CCSER1: variants seen among roughly 807,000 people sequenced by gnomAD.
CCSER1 encodes coiled-coil serine rich protein 1.
A neutral mutation model predicts 82.0 loss-of-function variants in CCSER1; 41 were observed. The ratio of observed to expected loss-of-function variants is 0.50; its 90% CI spans 0.39 to 0.65. CCSER1 has a LOEUF of 0.65. Ranked by LOEUF, CCSER1 falls within the 30% of genes least tolerant of loss-of-function variation. The pLI, the probability that CCSER1 is intolerant of heterozygous loss-of-function variation, is 0.00. For missense variants in CCSER1, 1,119 were observed against 1,064.2 expected (o/e 1.05, Z -0.72); for synonymous variants, 414 against 383.9 (o/e 1.08, Z -0.92).
intron 4 of CCSER1, among the ~76,000 whole-genome samples, chr4:90,443,089 T>TAAC (rs1418693927): frequency 6.6e-6 from 1 of 152,120 alleles, no homozygotes; most frequent in Non-Finnish European, 1.5e-5. Context: ...AGTAAGAGAT[T>TAAC]AACAACAACA....
intron 10 of CCSER1, among the ~76,000 whole-genome samples, chr4:91,259,592 G>GCCCCC (rs1038470211): frequency 7.3e-6 from 1 of 137,538 alleles, no homozygotes; most frequent in African/African-American, 2.8e-5. Context: ...CCCTCCCCTA[G>GCCCCC]CCCCCCACCC....
intron 8 of CCSER1, among the ~76,000 whole-genome samples, chr4:90,842,641 A>G (rs530961467): frequency 1.1e-4 from 16 of 152,306 alleles, no homozygotes; most frequent in Admixed American, 1.0e-3. Context: ...TCAGAAAATG[A>G]AGCAGGAAAT....
intron 4 of CCSER1, among the ~76,000 whole-genome samples, chr4:90,432,915 C>G (rs1349530084): frequency 2.6e-5 from 4 of 152,090 alleles, no homozygotes; most frequent in African/African-American, 9.7e-5. Flanking sequence ...CAAAATCTCC[C>G]TACCTAGGTA....
intron 8 of CCSER1, among the ~76,000 whole-genome samples, chr4:90,816,411 G>A (rs1380784743): frequency 6.6e-6 from 1 of 151,946 alleles, no homozygotes; most frequent in Non-Finnish European, 1.5e-5. Flanking sequence ...AGAAAGTAAG[G>A]AATTACACTT....
At chr4:90,419,590 T>G (rs961304927) in intron 4 of CCSER1, among the ~76,000 whole-genome samples, 8 of 151,902 alleles carry the variant, frequency 5.3e-5, no homozygotes, top group African/African-American at 1.9e-4. Flanking sequence ...GGTTATATGT[T>G]TTCCAAGGCA....
chr4:90,697,769 C>A lies in CCSER1; in HGVS notation c.1933-26145C>A, dbSNP rs544528765. On this transcript the variant is annotated intron_variant, in intron 6 of 10. Transcript: ENST00000509176. ...AACAATTGATTTGCAGGTATTTTTC[C>A]CTGTATCTACTATGCAAAAGTCTTT... Among the ~76,000 whole-genome samples, 5 of 152,112 alleles carry A rather than the reference C, an allele frequency of 3.3e-5. 1 individual carries two copies. The South Asian group carries it at 6.2e-4, about 19-fold the overall frequency.
chr4:90,945,092 TTA>T (rs935310045), intron 9 of CCSER1, among the ~76,000 whole-genome samples: 7 of 152,180 alleles, frequency 4.6e-5, no homozygotes, highest in Non-Finnish European at 8.8e-5. Context: ...ATGATTATCT[TTA>T]TGTTTCCCTT....
intron 10 of CCSER1, among the ~76,000 whole-genome samples, chr4:91,217,331 A>C (rs1737326718): frequency 6.6e-6 from 1 of 152,152 alleles, no homozygotes; most frequent in Non-Finnish European, 1.5e-5. Context: ...CTGTTTTGTC[A>C]GGGCGCTGAT....
intron 10 of CCSER1, among the ~76,000 whole-genome samples, chr4:91,180,439 G>C (rs1035238443): frequency 6.6e-6 from 1 of 152,256 alleles, no homozygotes; most frequent in Non-Finnish European, 1.5e-5. Context: ...AGGCCTTCTT[G>C]AGCTGTGGTG....
chr4:90,477,654 A>G (rs1188038246), intron 5 of CCSER1, among the ~76,000 whole-genome samples: 2 of 151,814 alleles, frequency 1.3e-5, no homozygotes, highest in East Asian at 3.9e-4. Context: ...TTCCTCTGGT[A>G]TATTAAGCCC....
intron 3 of CCSER1, among the ~76,000 whole-genome samples, chr4:90,314,143 CAA>C (rs574247089): frequency 6.6e-6 from 1 of 151,990 alleles, no homozygotes; most frequent in Non-Finnish European, 1.5e-5. Flanking sequence ...TAATCCTGGG[CAA>C]ATTTGTAACC....
chr4:91,484,647 C>G (rs1443090350), intron 10 of CCSER1, among the ~76,000 whole-genome samples: 1 of 152,070 alleles, frequency 6.6e-6, no homozygotes, highest in African/African-American at 2.4e-5. Context: ...TATTGGAAGA[C>G]AAGTGATTTT....
chr4:91,270,696 T>A (rs1741958973), intron 10 of CCSER1, among the ~76,000 whole-genome samples: 1 of 152,174 alleles, frequency 6.6e-6, no homozygotes, highest in East Asian at 1.9e-4. Context: ...AAGAATTCAG[T>A]TCAAGGCTGT....
Position 91,598,782 on chromosome 4 carries a change from T to G in CCSER1, c.2428T>G (p.Tyr810Asp). ...AGTTATCAAACATTCAAGAGGAACTTATGAAACCCTCACTTCAGACGTTAC... is the reference window on the plus strand; with the variant it reads ...AGTTATCAAACATTCAAGAGGAACTGATGAAACCCTCACTTCAGACGTTAC... ...AEVIKHSRGT[Y>D]ETLTSDVTQN... Residue 810 changes from tyrosine to aspartate, a missense_variant, in exon 11 of 11, where the codon TAT becomes GAT. Physicochemically the swap from Tyr to Asp is radical, Grantham distance 160 (BLOSUM62 -3). Coordinates refer to ENST00000509176, the MANE Select transcript of CCSER1 (RefSeq NM_001145065.2). 1 of 1,551,604 alleles carries G rather than the reference T, an allele frequency of 6.4e-7. No individual in the cohort carries two copies. Among genetic ancestry groups the G allele is most frequent in the Non-Finnish European group, 8.7e-7 (1 of 1,146,922 alleles).
chr4:91,474,177 G>T (rs1757433689), intron 10 of CCSER1, among the ~76,000 whole-genome samples: 1 of 151,822 alleles, frequency 6.6e-6, no homozygotes, highest in Admixed American at 6.6e-5. Flanking sequence ...CACTGGGTGG[G>T]ATTAAGATTC....
intron 10 of CCSER1, among the ~76,000 whole-genome samples, chr4:91,501,477 C>G (rs974870267): frequency 6.6e-6 from 1 of 151,906 alleles, no homozygotes; most frequent in African/African-American, 2.4e-5. Flanking sequence ...TTTACTTCTG[C>G]TAATTTAAAG....
chr4:90,574,520 G>A (rs978854764), intron 5 of CCSER1, among the ~76,000 whole-genome samples: 8 of 150,570 alleles, frequency 5.3e-5, no homozygotes, highest in Admixed American at 1.3e-4. Flanking sequence ...CACCCGCCTC[G>A]GCCTCCCAAA....
At chr4:90,563,204 C>T (rs557785394) in intron 5 of CCSER1, among the ~76,000 whole-genome samples, 99 of 152,100 alleles carry the variant, frequency 6.5e-4, no homozygotes, top group African/African-American at 1.9e-3. Flanking sequence ...CTCCGCCTCC[C>T]GGGTTGAAGC....
intron 10 of CCSER1, among the ~76,000 whole-genome samples, chr4:91,492,355 A>T (rs2110072737): frequency 6.6e-6 from 1 of 152,216 alleles, no homozygotes; most frequent in Non-Finnish European, 1.5e-5. Context: ...TTCTTCAAAT[A>T]AAATCCTATA....
Sources: gnomAD v4.1 joint callset for allele counts (sites outside exome capture counted in the v4.1 genomes callset) on GRCh38, gnomAD v4.1.1 for gene constraint, MANE v1.5 for transcripts, NCBI Gene and HGNC (gene_info 2026-07-23, HGNC 2026-07-21) for gene names.